SHROOM4: variants seen among roughly 807,000 people sequenced by gnomAD.
SHROOM4 encodes shroom family member 4, also known as protein Shroom4.
Under a neutral mutation model 80.3 loss-of-function variants are expected in SHROOM4, and 17 were observed. The ratio of observed to expected loss-of-function variants is 0.21; its 90% confidence interval spans 0.14 to 0.32. The LOEUF (loss-of-function observed/expected upper bound fraction) is 0.32. Ranked by LOEUF, SHROOM4 falls within the 10% of genes least tolerant of loss-of-function variation. The pLI is 1.00. For missense variants in SHROOM4, 993 were observed against 1,140.3 expected, an observed-to-expected ratio of 0.87 and a Z score of 1.86; for synonymous variants, 400 against 437.5, an observed-to-expected ratio of 0.91 and a Z score of 1.07.
rs1928956799 is a variant in SHROOM4 at position 50,593,388 on chromosome X, C to T, written c.*3307G>A. 9.0e-6 allele frequency: 1 copy of T among 111,286 alleles called. No homozygotes were observed. The highest frequency in any genetic ancestry group is 2.8e-4 in the East Asian group (1 of 3,548). The allele number at this position is 111,286 out of a possible 1,213,427, so 9.2% of individuals were successfully genotyped here. A position where few individuals can be genotyped will look rare whatever the true frequency, so the allele number is the denominator to read the frequency against. ...GACAATCTGGCAGGCATATCTATGTCAGCCAAGAAGGGAGTGGTGGAGGAC... is the reference window on the plus strand; with the variant it reads ...GACAATCTGGCAGGCATATCTATGTTAGCCAAGAAGGGAGTGGTGGAGGAC... On this transcript the variant is annotated 3_prime_UTR_variant, in exon 9 of 9. Coordinates refer to ENST00000376020, the MANE Select transcript of SHROOM4 (RefSeq NM_020717.5).
At chrX:50,766,893 G>C (rs958752201) in intron 1 of SHROOM4, among the ~76,000 whole-genome samples, 5 of 111,809 alleles carry the variant, frequency 4.5e-5, no homozygotes, top group Non-Finnish European at 7.5e-5. Context: ...GATTTTACTT[G>C]AGAAGTGGTG....
intron 1 of SHROOM4, among the ~76,000 whole-genome samples, chrX:50,756,253 T>C (rs781931444): frequency 1.3e-3 from 141 of 112,378 alleles, no homozygotes; most frequent in Non-Finnish European, 2.0e-3. Context: ...ATACAATATG[T>C]GGCCTTATGT....
the SHROOM4 span, among the ~76,000 whole-genome samples, chrX:50,581,636 TGA>T: frequency 3.8e-3 from 421 of 112,002 alleles, 6 homozygotes; most frequent in African/African-American, 0.013. Context: ...GCCTTCTCCC[TGA>T]GAGAGCCATC....
At chrX:50,647,310 A>T (rs1157310159) in intron 2 of SHROOM4, among the ~76,000 whole-genome samples, 1 of 111,821 alleles carries the variant, frequency 8.9e-6, no homozygotes, top group Non-Finnish European at 1.9e-5. Flanking sequence ...CAAGGGGAGC[A>T]AGTCCAGAAT....
At chrX:50,775,765 C>T (rs1308806056) in intron 1 of SHROOM4, among the ~76,000 whole-genome samples, 1 of 112,089 alleles carries the variant, frequency 8.9e-6, no homozygotes, top group East Asian at 2.8e-4. Context: ...CTGTTAAGAG[C>T]CAAAGTCTCA....
chrX:50,689,342 G>A (rs903201432), intron 2 of SHROOM4, among the ~76,000 whole-genome samples: 1 of 111,875 alleles, frequency 8.9e-6, no homozygotes, highest in East Asian at 2.8e-4. Flanking sequence ...TGAGGGTGGA[G>A]GAATGATGGT....
chrX:50,732,455 CAG>C (rs1386052890), intron 1 of SHROOM4, among the ~76,000 whole-genome samples: 1 of 111,356 alleles, frequency 9.0e-6, no homozygotes, highest in African/African-American at 3.3e-5. Flanking sequence ...ATTAATAAAA[CAG>C]AGAATGGAAA....
chrX:50,797,166 G>C (rs1382679729), intron 1 of SHROOM4, among the ~76,000 whole-genome samples: 1 of 110,433 alleles, frequency 9.1e-6, no homozygotes. Flanking sequence ...ATTTACAGAG[G>C]AGAATGGAGA....
At chrX:50,805,781 G>A (rs781931912) in intron 1 of SHROOM4, among the ~76,000 whole-genome samples, 1 of 111,913 alleles carries the variant, frequency 8.9e-6, no homozygotes, top group South Asian at 3.8e-4. Context: ...TCAGCAAGTT[G>A]ATAAAAGAAT....
rs189694750 is a variant in SHROOM4 at position 50,635,637 on chromosome X, G to A, written c.436C>T (p.Arg146Trp). ...DVCVQWCPLS[R>W]HCSTEKSSSI... Reference sequence around the variant, plus strand: ...CTGCTTTTCTCGGTGCTGCAATGCCGGGAGAGTGGACACCACTGCACACAC... The same window carrying A: ...CTGCTTTTCTCGGTGCTGCAATGCCAGGAGAGTGGACACCACTGCACACAC... The change falls in exon 4 of 9, where the codon CGG (arginine) becomes TGG (tryptophan). Residue 146 changes from arginine to tryptophan, a missense_variant. Physicochemically the swap from Arg to Trp is moderately radical, Grantham distance 101. Transcript: ENST00000376020. The A allele has an allele frequency of 2.0e-4, 239 of 1,206,803 alleles. No individual in the cohort carries two copies. The East Asian group carries it at 4.5e-3, about 23-fold the overall frequency.
the SHROOM4 span, among the ~76,000 whole-genome samples, chrX:50,578,300 ATTTAT>A: frequency 1.0e-3 from 115 of 111,840 alleles, no homozygotes; most frequent in Middle Eastern, 0.027. Context: ...AAATTAATTA[ATTTAT>A]TTATTTTTAT....
In SHROOM4 at chrX:50,598,304, C is replaced by T. The variant is rs367904881; in HGVS notation, c.4174G>A (p.Ala1392Thr). 6.6e-6 allele frequency: 8 copies of T among 1,209,409 alleles called. No homozygotes were observed. The highest frequency in any genetic ancestry group is 1.8e-5 in the South Asian group (1 of 56,721). ...GCCTCTGAATCGATGCTGTTCAGAGCATTCTCCACCCGGGCCAGTCGTCCA... is the reference window on the plus strand; with the variant it reads ...GCCTCTGAATCGATGCTGTTCAGAGTATTCTCCACCCGGGCCAGTCGTCCA... ...LSGRLARVEN[A>T]LNSIDSEANQ... The change falls in exon 8 of 9, where the codon GCT becomes ACT. Residue 1392 changes from alanine (A) to threonine (T), a missense_variant. Transcript: ENST00000376020.
intron 2 of SHROOM4, among the ~76,000 whole-genome samples, chrX:50,678,502 G>A (rs980988542): frequency 1.4e-4 from 16 of 111,272 alleles, no homozygotes; most frequent in Middle Eastern, 4.6e-3. Flanking sequence ...GCAGTTCTGA[G>A]GTCAGACCTT....
intron 5 of SHROOM4, among the ~76,000 whole-genome samples, chrX:50,620,642 C>T (rs146720111): frequency 3.9e-4 from 44 of 112,003 alleles, no homozygotes; most frequent in Admixed American, 8.5e-4. Flanking sequence ...CGTTTCCTCA[C>T]AGCCTTGCCA....
At chrX:50,691,626 T>A (rs1289135257) in intron 2 of SHROOM4, among the ~76,000 whole-genome samples, 1 of 111,764 alleles carries the variant, frequency 8.9e-6, no homozygotes, top group African/African-American at 3.3e-5. Context: ...AAGAGCTGGG[T>A]TGGCTTTTCA....
chrX:50,755,545 C>A (rs1213593849), intron 1 of SHROOM4, among the ~76,000 whole-genome samples: 1 of 112,078 alleles, frequency 8.9e-6, no homozygotes, highest in Non-Finnish European at 1.9e-5. Context: ...TAAGACACGA[C>A]AAGTATCATC....
intron 2 of SHROOM4, among the ~76,000 whole-genome samples, chrX:50,653,210 T>C (rs1557259156): frequency 1.8e-5 from 2 of 111,810 alleles, no homozygotes; most frequent in Non-Finnish European, 3.8e-5. Flanking sequence ...GCATGGAATG[T>C]TTTTCCATTT....
At chrX:50,583,217 AT>A (rs1311804132), downstream of SHROOM4, among the ~76,000 whole-genome samples, 1 of 110,761 alleles carries the variant, frequency 9.0e-6, no homozygotes, top group East Asian at 2.8e-4. Flanking sequence ...GTCAGAAATA[AT>A]GGTTTTGGTA....
intron 6 of SHROOM4, 144 bp downstream of exon 6, chrX:50,607,237 A>G: frequency 1.9e-6 from 1 of 539,487 alleles, no homozygotes; most frequent in Non-Finnish European, 3.2e-6. Context: ...GTATCATTAT[A>G]CCCATTTTCC....
Sources: allele counts gnomAD v4.1 joint callset (sites outside exome capture counted in the v4.1 genomes callset), GRCh38; gene constraint gnomAD v4.1.1; transcripts MANE v1.5; gene names NCBI Gene and HGNC (gene_info 2026-07-23, HGNC 2026-07-21).